Variants in RGS6 observed in about 807,000 individuals in gnomAD.
RGS6 encodes regulator of G-protein signaling 6.
RGS6 carries 30 observed loss-of-function variants against 78.5 expected under a neutral mutation model. The ratio of observed to expected loss-of-function variants is 0.38; its 90% CI spans 0.29 to 0.52. The LOEUF is 0.52. Among genes scored for constraint, RGS6 ranks in the 20% least tolerant of loss-of-function variants. The pLI is 0.85. For synonymous variants in RGS6, 206 were observed against 206.0 expected (o/e 1.00, Z 0.00); for missense variants, 495 against 609.7 (o/e 0.81, Z 1.98).
intron 2 of RGS6, among the ~76,000 whole-genome samples, chr14:72,172,580 T>C (rs2097039056): frequency 6.6e-6 from 1 of 152,148 alleles, no homozygotes; most frequent in South Asian, 2.1e-4. Flanking sequence ...CCTCCTAATA[T>C]TTTGCAACTG....
intron 13 of RGS6, among the ~76,000 whole-genome samples, chr14:72,504,716 TCTCCCCTC>T (rs2096773899): frequency 6.7e-6 from 1 of 149,752 alleles, no homozygotes; most frequent in African/African-American, 2.5e-5. Flanking sequence ...TCTCCCCTCC[TCTCCCCTC>T]CCCTCCTCTC....
At chr14:72,506,984 T>TAAAAAAAAAAAAAAAAA (rs71109738) in intron 13 of RGS6, among the ~76,000 whole-genome samples, 6 of 54,394 alleles carry the variant, frequency 1.1e-4, no homozygotes, top group African/African-American at 2.8e-4. Flanking sequence ...CTGTCTCTAC[T>TAAAAAAAAAAAAAAAAA]AAAAAAAAAA....
intron 13 of RGS6, among the ~76,000 whole-genome samples, chr14:72,509,179 A>G (rs2096848101): frequency 6.6e-6 from 1 of 151,888 alleles, no homozygotes; most frequent in South Asian, 2.1e-4. Flanking sequence ...CCTGGCTAAC[A>G]TGGTGAAACC....
At chr14:72,137,593 A>C (rs185542431) in intron 2 of RGS6, among the ~76,000 whole-genome samples, 1 of 152,362 alleles carries the variant, frequency 6.6e-6, no homozygotes, top group East Asian at 1.9e-4. Flanking sequence ...TGGCTCACAG[A>C]ACTCAGGGAA....
chr14:72,196,741 A>C (rs142969074), intron 2 of RGS6, among the ~76,000 whole-genome samples: 1 of 152,276 alleles, frequency 6.6e-6, no homozygotes, highest in African/African-American at 2.4e-5. Flanking sequence ...TCAAAGTTGA[A>C]TTTTCCACTT....
the RGS6 span, among the ~76,000 whole-genome samples, chr14:71,915,982 C>G: frequency 1.3e-5 from 2 of 152,274 alleles, no homozygotes; most frequent in African/African-American, 2.4e-5. Flanking sequence ...AGAGAAGCCT[C>G]AAGAGAAACC....
intron 2 of RGS6, among the ~76,000 whole-genome samples, chr14:72,256,871 T>C (rs778907453): frequency 1.3e-5 from 2 of 152,196 alleles, no homozygotes; most frequent in Non-Finnish European, 2.9e-5. Context: ...TCATTTGAAT[T>C]CAACAAATAA....
chr14:72,484,355 C>T (rs2096447597), intron 12 of RGS6, among the ~76,000 whole-genome samples: 1 of 152,184 alleles, frequency 6.6e-6, no homozygotes, highest in South Asian at 2.1e-4. Context: ...CCCATAGCTG[C>T]AGGCCATACT....
intron 10 of RGS6, 69 bp from the exon 11 acceptor site, chr14:72,476,673 C>T: frequency 8.0e-7 from 1 of 1,248,066 alleles, no homozygotes; most frequent in South Asian, 1.3e-5. Context: ...AGTCATTGGA[C>T]TAGCTGACCC....
At position 72,243,016 on chromosome 14, in the gene RGS6, T is replaced by TTG. The variant is rs549432760; in HGVS notation, c.85-109069_85-109068dup. On this transcript the variant is annotated intron_variant, in intron 2 of 17. Transcript: ENST00000553525. ...GGCGCGCGCCACCACACCTGGCTTT[T>TTG]TGTGTGTGTGTTTTTAATAGAGTCA... Among the ~76,000 whole-genome samples the TTG allele has an allele frequency of 2.3e-4, 35 of 151,950 alleles. 1 individual carries two copies. In the East Asian group the frequency reaches 6.6e-3, roughly 29 times the overall value.
At chr14:72,409,775 C>T (rs1029460261) in intron 3 of RGS6, among the ~76,000 whole-genome samples, 10 of 152,070 alleles carry the variant, frequency 6.6e-5, no homozygotes, top group African/African-American at 2.2e-4. Flanking sequence ...CATGTGTTCT[C>T]ATTGTTCAGT....
intron 2 of RGS6, among the ~76,000 whole-genome samples, chr14:72,251,321 C>T (rs1311798252): frequency 6.6e-6 from 1 of 152,056 alleles, no homozygotes; most frequent in East Asian, 1.9e-4. Flanking sequence ...GTTAATCTTT[C>T]TTGTTAATTT....
chr14:72,410,111 T>TA (rs1260515101), intron 3 of RGS6, among the ~76,000 whole-genome samples: 1 of 152,216 alleles, frequency 6.6e-6, no homozygotes, highest in Non-Finnish European at 1.5e-5. Context: ...ATGGTATTTC[T>TA]AGTTCTACAT....
At chr14:72,332,596 G>A (rs1010318603) in intron 2 of RGS6, among the ~76,000 whole-genome samples, 1 of 152,138 alleles carries the variant, frequency 6.6e-6, no homozygotes, top group Non-Finnish European at 1.5e-5. Flanking sequence ...CAGGATCTTG[G>A]GTCCCTGTAC....
At chr14:72,471,729 C>T (rs2096081178) in intron 8 of RGS6, among the ~76,000 whole-genome samples, 1 of 152,204 alleles carries the variant, frequency 6.6e-6, no homozygotes, top group East Asian at 1.9e-4. Flanking sequence ...ACCCAGCAGC[C>T]CCCCGGGGAT....
chr14:72,173,497 C>T (rs2097057115), intron 2 of RGS6, among the ~76,000 whole-genome samples: 1 of 152,186 alleles, frequency 6.6e-6, no homozygotes, highest in African/African-American at 2.4e-5. Flanking sequence ...GATCAGATGC[C>T]ATCTTCATGC....
intron 2 of RGS6, among the ~76,000 whole-genome samples, chr14:72,226,928 C>T (rs1468481769): frequency 6.6e-6 from 1 of 152,146 alleles, no homozygotes; most frequent in East Asian, 1.9e-4. Flanking sequence ...GTCAAGTAAT[C>T]CGCCCACCTT....
chr14:72,358,613 C>T (rs1404216674), intron 3 of RGS6, among the ~76,000 whole-genome samples: 2 of 152,236 alleles, frequency 1.3e-5, no homozygotes, highest in Admixed American at 1.3e-4. Context: ...TGGTGAATTT[C>T]TCCCATTTAG....
intron 3 of RGS6, among the ~76,000 whole-genome samples, chr14:72,429,059 A>G (rs2094530661): frequency 6.6e-6 from 1 of 152,168 alleles, no homozygotes. Flanking sequence ...AAAAGTTTCC[A>G]GGTGTAGTGG....
Sources: gnomAD v4.1 joint callset for allele counts (sites outside exome capture counted in the v4.1 genomes callset) on GRCh38, gnomAD v4.1.1 for gene constraint, MANE v1.5 for transcripts, NCBI Gene and HGNC (gene_info 2026-07-23, HGNC 2026-07-21) for gene names.